Variants in PPARGC1B observed in about 807,000 individuals in gnomAD.
PPARGC1B encodes the protein PPARG coactivator 1 beta, also known as peroxisome proliferator-activated receptor gamma coactivator 1-beta.
A neutral mutation model predicts 101.6 loss-of-function variants in PPARGC1B; 34 were observed. That is an observed-to-expected ratio of 0.33 (90% CI 0.25 to 0.45). The LOEUF is 0.45. Among genes scored for constraint, PPARGC1B ranks in the 20% least tolerant of loss-of-function variants. The pLI is 1.00. For synonymous variants in PPARGC1B, 548 were observed against 539.3 expected, an observed-to-expected ratio of 1.02 and a Z score of -0.22; for missense variants, 1,234 against 1,317.6, an observed-to-expected ratio of 0.94 and a Z score of 0.98.
At chr5:149,845,660 C>G (rs770779928) in intron 10 of PPARGC1B, 100 bp from the exon 11 acceptor site, 2 of 1,287,446 alleles carry the variant, frequency 1.6e-6, no homozygotes, top group East Asian at 2.3e-5. Context: ...ATGTGGGTAT[C>G]GAATCACTGT....
rs1273662955 is a variant in PPARGC1B, at chr5:149,820,423, G to A, written c.79-10G>A. The A allele has an allele frequency of 6.2e-7, 1 of 1,611,914 alleles. No homozygotes were observed. On this transcript the variant is annotated splice_polypyrimidine_tract_variant and intron_variant, in intron 1 of 11. Transcript: ENST00000309241. ...GCTCTGATCCACCTCTTTCCTTCCTGTCTCCTCAGGGTGGAGGGTCCGGGG... is the reference window on the plus strand; with the variant it reads ...GCTCTGATCCACCTCTTTCCTTCCTATCTCCTCAGGGTGGAGGGTCCGGGG...
chr5:149,828,889 T>TC (rs1472503831), intron 3 of PPARGC1B, among the ~76,000 whole-genome samples: 1 of 151,986 alleles, frequency 6.6e-6, no homozygotes, highest in East Asian at 1.9e-4. Flanking sequence ...TATGATTTTT[T>TC]TTTTTTTTTA....
Position 149,840,095 on chromosome 5 carries a change from G to A in PPARGC1B, c.2673G>A (p.Arg891=). The change falls in exon 9 of 12, where the codon AGG becomes AGA. Residue 891 remains arginine, a synonymous_variant. Transcript: ENST00000309241. ...SDRTPSIRHA[R]KRREKAIGEG... ...GAACGCCAAGCATCCGGCACGCCAG[G>A]AAGCGGCGGGAAAAGGCCATTGTAA... is the stretch of plus-strand genomic sequence containing the variant. 1 of 1,613,492 alleles carries A rather than the reference G, an allele frequency of 6.2e-7. No homozygotes were observed. The highest frequency in any genetic ancestry group is 8.5e-7 in the Non-Finnish European group (1 of 1,179,708).
chr5:149,845,744 T>C lies in PPARGC1B; in HGVS notation c.2817-16T>C, dbSNP rs770763527. 7 of 1,594,632 alleles carry C rather than the reference T, an allele frequency of 4.4e-6. No homozygotes were observed. The highest frequency in any genetic ancestry group is 6.0e-6 in the Non-Finnish European group (7 of 1,167,632). ...AGCCAGCCCAATAACATACTCTCCT[T>C]GCTCCCTCCCCGCAGAGGCGAGAAG... On this transcript the variant is annotated splice_polypyrimidine_tract_variant and intron_variant, in intron 10 of 11. Coordinates refer to ENST00000309241, the MANE Select transcript of PPARGC1B (RefSeq NM_133263.4).
intron 1 of PPARGC1B, among the ~76,000 whole-genome samples, chr5:149,751,334 A>AT (rs1161167789): frequency 6.6e-6 from 1 of 152,014 alleles, no homozygotes; most frequent in African/African-American, 2.4e-5. Flanking sequence ...TATAAATTGT[A>AT]TTTTTTCTTG....
chr5:149,803,003 A>ACCTCCACCC (rs1161578096), intron 1 of PPARGC1B, among the ~76,000 whole-genome samples: 1 of 151,008 alleles, frequency 6.6e-6, no homozygotes, highest in Non-Finnish European at 1.5e-5. Flanking sequence ...AATCCACACC[A>ACCTCCACCC]CCTCCACCCC....
intron 8 of PPARGC1B, among the ~76,000 whole-genome samples, chr5:149,839,064 CA>C (rs1759225878): frequency 6.6e-6 from 1 of 152,170 alleles, no homozygotes; most frequent in African/African-American, 2.4e-5. Flanking sequence ...TTCACAGGTG[CA>C]CCTGGAGGTA....
intron 1 of PPARGC1B, among the ~76,000 whole-genome samples, chr5:149,763,251 C>G (rs1755781019): frequency 6.6e-6 from 1 of 152,250 alleles, no homozygotes; most frequent in Non-Finnish European, 1.5e-5. Flanking sequence ...ATCGTGGCCC[C>G]AGGTTCTTGG....
At chr5:149,763,102 A>G (rs1038097391) in intron 1 of PPARGC1B, among the ~76,000 whole-genome samples, 1 of 152,082 alleles carries the variant, frequency 6.6e-6, no homozygotes, top group Admixed American at 6.6e-5. Context: ...GCCCTTGAGC[A>G]CCTTCAGGTC....
chr5:149,776,970 A>G (rs144916639), intron 1 of PPARGC1B, among the ~76,000 whole-genome samples: 63 of 152,194 alleles, frequency 4.1e-4, no homozygotes, highest in African/African-American at 1.4e-3. Flanking sequence ...CCCTCAGCCC[A>G]GCTCTTCCAT....
intron 3 of PPARGC1B, among the ~76,000 whole-genome samples, chr5:149,828,696 G>C (rs1430225668): frequency 6.6e-6 from 1 of 152,184 alleles, no homozygotes; most frequent in East Asian, 1.9e-4. Context: ...CATTGTGCAA[G>C]GCACACAGGA....
chr5:149,781,747 A>G (rs113357183), intron 1 of PPARGC1B, among the ~76,000 whole-genome samples: 2 of 152,198 alleles, frequency 1.3e-5, no homozygotes, highest in Non-Finnish European at 2.9e-5. Context: ...AAAACTTGGC[A>G]CTAGTGCTGA....
intron 1 of PPARGC1B, among the ~76,000 whole-genome samples, chr5:149,747,752 G>C (rs1755142117): frequency 6.6e-6 from 1 of 152,212 alleles, no homozygotes; most frequent in Non-Finnish European, 1.5e-5. Context: ...AGCCCCAACA[G>C]GAATGTGGCA....
intron 1 of PPARGC1B, among the ~76,000 whole-genome samples, chr5:149,739,652 G>A (rs1344123230): frequency 6.6e-6 from 1 of 152,212 alleles, no homozygotes; most frequent in Non-Finnish European, 1.5e-5. Flanking sequence ...GGGCCAGGGT[G>A]GGTAGTCCTC....
intron 1 of PPARGC1B, among the ~76,000 whole-genome samples, chr5:149,788,181 C>T (rs1014777961): frequency 3.9e-5 from 6 of 152,152 alleles, no homozygotes; most frequent in Non-Finnish European, 7.3e-5. Flanking sequence ...ACCCATCTGA[C>T]AAAGGGCTAA....
chr5:149,854,753 G>A lies in PPARGC1B; in HGVS notation c.*7195G>A, dbSNP rs1016858395. 15 of 152,022 alleles carry A rather than the reference G, an allele frequency of 9.9e-5. No individual in the cohort carries two copies. The highest frequency in any genetic ancestry group is 3.6e-4 in the African/African-American group (15 of 41,392). The allele number at this position is 152,022 out of a possible 1,614,324, so 9.4% of individuals were successfully genotyped here. On this transcript the variant is annotated 3_prime_UTR_variant, in exon 12 of 12. Transcript: ENST00000309241. The stretch of plus-strand genomic sequence containing the variant: ...CTTCTAAATGAGAAAATGTTTTCTT[G>A]TATTTGTACATTGTCAGATTCTATA...
At chr5:149,751,476 C>T (rs961537157) in intron 1 of PPARGC1B, among the ~76,000 whole-genome samples, 8 of 152,004 alleles carry the variant, frequency 5.3e-5, no homozygotes, top group African/African-American at 1.2e-4. Context: ...GAGGCCAAGG[C>T]GGGCGGATCA....
intron 1 of PPARGC1B, among the ~76,000 whole-genome samples, chr5:149,779,089 C>G (rs566655059): frequency 6.6e-6 from 1 of 152,222 alleles, no homozygotes; most frequent in Admixed American, 6.5e-5. Context: ...AGTCCAGACT[C>G]CTCGGGACAC....
chr5:149,736,416 T>C (rs928168390), intron 1 of PPARGC1B, among the ~76,000 whole-genome samples: 2 of 151,750 alleles, frequency 1.3e-5, no homozygotes, highest in African/African-American at 2.4e-5. Context: ...TATTAGAGAG[T>C]GAAGGGTACC....
Sources: gnomAD v4.1 joint callset for allele counts (sites outside exome capture counted in the v4.1 genomes callset) on GRCh38, gnomAD v4.1.1 for gene constraint, MANE v1.5 for transcripts, NCBI Gene and HGNC (gene_info 2026-07-23, HGNC 2026-07-21) for gene names.